ARHGEF11: variants seen among roughly 807,000 people sequenced by gnomAD.
ARHGEF11 encodes Rho guanine exchange factor (GEF) 11.
In ARHGEF11, 55 loss-of-function variants were observed where a neutral mutation model predicts 193.7. The ratio of observed to expected loss-of-function variants is 0.28; its 90% CI spans 0.23 to 0.36. The LOEUF (loss-of-function observed/expected upper bound fraction) is 0.36. Among genes scored for constraint, ARHGEF11 ranks in the 10% least tolerant of loss-of-function variants. The pLI is 1.00. For synonymous variants in ARHGEF11, 693 were observed against 768.0 expected (o/e 0.90, Z 1.62); for missense variants, 1,723 against 2,005.6 (o/e 0.86, Z 2.69).
intron 11 of ARHGEF11, among the ~76,000 whole-genome samples, chr1:156,966,676 GA>G (rs1661708123): frequency 6.6e-6 from 1 of 152,208 alleles, no homozygotes. Context: ...CATATTGTAA[GA>G]AAGTTAGTTT....
intron 9 of ARHGEF11, 138 bp downstream of exon 9, chr1:156,969,860 T>C: frequency 1.2e-6 from 1 of 849,516 alleles, no homozygotes; most frequent in Non-Finnish European, 1.9e-6. Context: ...TTTGTACTGC[T>C]TTCTCCCATT....
At chr1:157,017,267 T>TA (rs1669363219) in intron 1 of ARHGEF11, among the ~76,000 whole-genome samples, 1 of 152,190 alleles carries the variant, frequency 6.6e-6, no homozygotes, top group South Asian at 2.1e-4. Flanking sequence ...GTCCTGCCTC[T>TA]AAATTCCCAG....
intron 8 of ARHGEF11, 45 bp from the exon 9 acceptor site, chr1:156,970,088 TC>T (rs34763071): frequency 6.4e-7 from 1 of 1,564,164 alleles, no homozygotes; most frequent in South Asian, 1.1e-5. Flanking sequence ...TGTGAGCCTC[TC>T]CCCCTACGGT....
rs552579916 is a variant in ARHGEF11 at position 156,984,576 on chromosome 1, C to T, written c.125-139G>A. The T allele has an allele frequency of 9.1e-5, 56 of 614,490 alleles. No homozygotes were observed. In the African/African-American group the frequency reaches 9.7e-4, roughly 11 times the overall value. The allele number at this position is 614,490 out of a possible 1,614,324, so 38.1% of individuals were successfully genotyped here. ...CACTAAACAAATTCCCTAGACTATT[C>T]CTGTCTAAACACTATTGCAATGACA... On this transcript the variant is annotated intron_variant, in intron 2 of 40. Coordinates refer to ENST00000368194, the MANE Select transcript of ARHGEF11 (RefSeq NM_198236.3).
At chr1:156,949,472 G>C (rs1211985840) in intron 22 of ARHGEF11, among the ~76,000 whole-genome samples, 1 of 152,142 alleles carries the variant, frequency 6.6e-6, no homozygotes, top group East Asian at 1.9e-4. Flanking sequence ...TAGCACAGCA[G>C]GTTGCTGCAA....
At chr1:157,026,239 G>A (rs1301490575) in intron 1 of ARHGEF11, among the ~76,000 whole-genome samples, 6 of 152,208 alleles carry the variant, frequency 3.9e-5, no homozygotes, top group Non-Finnish European at 8.8e-5. Context: ...CACTTTGGGA[G>A]ATTCTTTTCT....
At chr1:156,961,859 G>C (rs539253509) in intron 13 of ARHGEF11, 84 bp from the exon 14 acceptor site, 8 of 1,239,862 alleles carry the variant, frequency 6.5e-6, no homozygotes, top group Non-Finnish European at 9.4e-6. Flanking sequence ...GCCATGTCTG[G>C]AGACATTTTT....
chr1:156,936,563 G>C (rs1484054336), intron 40 of ARHGEF11, among the ~76,000 whole-genome samples: 1 of 142,504 alleles, frequency 7.0e-6, no homozygotes, highest in African/African-American at 2.6e-5. Context: ...GGTGAGAACA[G>C]GCTCCTCCTG....
chr1:157,003,429 C>T (rs911505215), intron 1 of ARHGEF11, among the ~76,000 whole-genome samples: 19 of 152,318 alleles, frequency 1.2e-4, no homozygotes, highest in African/African-American at 4.1e-4. Context: ...GCCACTTATT[C>T]GAATTCCCCT....
intron 38 of ARHGEF11, among the ~76,000 whole-genome samples, chr1:156,937,731 G>A (rs928217173): frequency 3.9e-5 from 6 of 152,170 alleles, no homozygotes; most frequent in African/African-American, 9.7e-5. Context: ...GATGCTGAGC[G>A]ATGAACTCAA....
intron 1 of ARHGEF11, among the ~76,000 whole-genome samples, chr1:157,043,191 T>C (rs1273471570): frequency 6.6e-6 from 1 of 152,196 alleles, no homozygotes; most frequent in Non-Finnish European, 1.5e-5. Context: ...GGACTGGGCA[T>C]GGAGGGAACA....
rs1389899294 is a variant in ARHGEF11, at chr1:156,984,401, T to A, written c.161A>T (p.Gln54Leu). 6.3e-7 allele frequency: 1 copy of A among 1,598,980 alleles called. No homozygotes were observed. Among genetic ancestry groups the A allele is most frequent in the Admixed American group, 1.7e-5 (1 of 57,736 alleles). ...VQRCVIIQKD[Q>L]HGFGFTVSGD... is the part of the protein sequence containing the mutation. ...ACTGACTGTGAAGCCGAAGCCATGCTGGTCCTTTTGGATAATGACACAGCG... is the reference window on the plus strand; with the variant it reads ...ACTGACTGTGAAGCCGAAGCCATGCAGGTCCTTTTGGATAATGACACAGCG... Residue 54 changes from glutamine (Q) to leucine (L), a missense_variant, in exon 3 of 41, where the codon CAG (glutamine) becomes CTG (leucine). Coordinates refer to ENST00000368194, the MANE Select transcript of ARHGEF11 (RefSeq NM_198236.3).
At chr1:156,945,775 T>C (rs1017980444) in intron 29 of ARHGEF11, 2 of 387,156 alleles carry the variant, frequency 5.2e-6, no homozygotes, top group Admixed American at 7.9e-5. Context: ...CAGCCTGTGT[T>C]GGGCACCGGA....
At position 156,941,906 on chromosome 1, in the gene ARHGEF11, G is replaced by A; in HGVS notation, c.3410C>T (p.Pro1137Leu). ...AAPMPVHPPP[P>L]GPREPAQQGP... ...CTGCTGGGCTGGCTCCCGGGGACCTGGGGGTGGAGGATGGACGGGCATTGG... is the reference window on the plus strand; with the variant it reads ...CTGCTGGGCTGGCTCCCGGGGACCTAGGGGTGGAGGATGGACGGGCATTGG... The change falls in exon 34 of 41, where the codon CCA becomes CTA. Residue 1137 changes from proline (P) to leucine (L), a missense_variant. Transcript: ENST00000368194. The A allele has an allele frequency of 6.2e-7, 1 of 1,613,850 alleles. No individual in the cohort carries two copies. The highest frequency in any genetic ancestry group is 8.5e-7 in the Non-Finnish European group (1 of 1,179,886).
At chr1:156,936,290 C>A in intron 40 of ARHGEF11, 1 of 708,274 alleles carries the variant, frequency 1.4e-6, no homozygotes, top group South Asian at 1.4e-5. Context: ...TGAGTTATGA[C>A]ATAGCTGTGT....
chr1:157,046,343 C>T (rs567656014), upstream of ARHGEF11, among the ~76,000 whole-genome samples: 1 of 152,268 alleles, frequency 6.6e-6, no homozygotes, highest in South Asian at 2.1e-4. Context: ...ACCCCCTGCC[C>T]GCCCAGCCAC....
chr1:156,981,168 A>G (rs1241463874), intron 3 of ARHGEF11, among the ~76,000 whole-genome samples: 1 of 151,860 alleles, frequency 6.6e-6, no homozygotes, highest in East Asian at 1.9e-4. Context: ...TAGCTATGGA[A>G]CTACAGGTGC....
intron 1 of ARHGEF11, among the ~76,000 whole-genome samples, chr1:157,013,387 C>T (rs73012651): frequency 0.02 from 3,108 of 151,880 alleles, 93 homozygotes; most frequent in African/African-American, 0.066. Flanking sequence ...CATGTCTCAC[C>T]ATGCCTACTC....
At chr1:156,971,929 G>GAGAGA (rs1662550479) in intron 7 of ARHGEF11, 113 bp from the exon 8 acceptor site, 1 of 1,323,666 alleles carries the variant, frequency 7.6e-7, no homozygotes, top group Non-Finnish European at 1.0e-6. Context: ...ACAAAGATGA[G>GAGAGA]AGAGAAGAGG....
Sources: gnomAD v4.1 joint callset for allele counts (sites outside exome capture counted in the v4.1 genomes callset) on GRCh38, gnomAD v4.1.1 for gene constraint, MANE v1.5 for transcripts, NCBI Gene and HGNC (gene_info 2026-07-23, HGNC 2026-07-21) for gene names.